The following TCF4 variants were observed in gnomAD, a reference collection of about 807,000 sequenced individuals.
TCF4 encodes the protein transcription factor 4.
TCF4 carries 3 observed loss-of-function variants against 82.1 expected under a neutral mutation model. The ratio of observed to expected loss-of-function variants is 0.04; its 90% CI spans 0.02 to 0.09. The LOEUF (loss-of-function observed/expected upper bound fraction) is 0.09. TCF4 is among the 10% of genes least tolerant of loss of function. TCF4 has a pLI of 1.00. For missense variants in TCF4, 518 were observed against 852.7 expected (o/e 0.61, Z 4.89); for synonymous variants, 276 against 309.6 (o/e 0.89, Z 1.14).
At chr18:55,507,941 C>T (rs552376350) in intron 3 of TCF4, among the ~76,000 whole-genome samples, 5 of 152,136 alleles carry the variant, frequency 3.3e-5, no homozygotes, top group South Asian at 2.1e-4. Flanking sequence ...CCCATGTAAC[C>T]GGGAAATGAC....
At chr18:55,497,065 G>A (rs780742693) in intron 3 of TCF4, among the ~76,000 whole-genome samples, 2 of 152,186 alleles carry the variant, frequency 1.3e-5, no homozygotes, top group African/African-American at 2.4e-5. Flanking sequence ...CAAATCAGCC[G>A]AGCAGGTGTG....
At position 55,468,883 on chromosome 18, in the gene TCF4, C is replaced by CA. The variant is rs199707137; in HGVS notation, c.146-4747_146-4746insT. ...GCTGCTGAATCTATTTAGTTCTCGC[C>CA]CCCCCCCCCCTTGTTCTATTGCCAC... is the stretch of plus-strand genomic sequence containing the variant. On this transcript the variant is annotated intron_variant, in intron 3 of 19. Coordinates refer to ENST00000354452, the MANE Select transcript of TCF4 (RefSeq NM_001083962.2). Among the ~76,000 whole-genome samples, 92 of 24,434 alleles carry CA rather than the reference C, an allele frequency of 3.8e-3. 2 individuals are homozygous for CA. Among genetic ancestry groups the CA allele is most frequent in the Middle Eastern group, 0.037 (3 of 82 alleles). The allele number at this position is 24,434 out of a possible 152,430, so 16.0% of individuals were successfully genotyped here.
chr18:55,429,844 C>T (rs1416941733), intron 5 of TCF4, among the ~76,000 whole-genome samples: 1 of 151,556 alleles, frequency 6.6e-6, no homozygotes, highest in Non-Finnish European at 1.5e-5. Flanking sequence ...TTGCTCCCCA[C>T]CTCCAAATCC....
chr18:55,388,421 T>C (rs187779167), intron 6 of TCF4, among the ~76,000 whole-genome samples: 1 of 152,370 alleles, frequency 6.6e-6, no homozygotes, highest in African/African-American at 2.4e-5. Flanking sequence ...CGCACCACGC[T>C]ATTGCAACTG....
chr18:55,325,512 A>G (rs1487601418), intron 8 of TCF4, among the ~76,000 whole-genome samples: 3 of 152,150 alleles, frequency 2.0e-5, no homozygotes, highest in Admixed American at 1.3e-4. Flanking sequence ...ACACACACAA[A>G]CTGCCCTGCA....
intron 8 of TCF4, among the ~76,000 whole-genome samples, chr18:55,342,106 T>C (rs910835463): frequency 5.9e-5 from 9 of 152,196 alleles, no homozygotes; most frequent in Non-Finnish European, 1.0e-4. Flanking sequence ...CATGCTTTTT[T>C]CCCCTTCTAC....
At chr18:55,234,307 C>T (rs1486800463) in intron 16 of TCF4, 4 of 612,354 alleles carry the variant, frequency 6.5e-6, no homozygotes, top group African/African-American at 1.8e-5. Context: ...AGTCTGTGGC[C>T]TCATTCCCTG....
In TCF4 at chr18:55,301,912, A is replaced by AT. The variant is rs200297090; in HGVS notation, c.550-22257dup. 2.6e-5 allele frequency among the ~76,000 whole-genome samples: 4 copies of AT among 151,576 alleles called. No individual in the cohort carries two copies. The East Asian group carries it at 7.8e-4, about 29-fold the overall frequency. On this transcript the variant is annotated intron_variant, in intron 8 of 19. Coordinates refer to ENST00000354452, the MANE Select transcript of TCF4 (RefSeq NM_001083962.2). ...ATTCATCCTCGTTTAGGTTGTATCTATTTATATCTTTTCTAAGTAAACCGT... is the reference window on the plus strand; with the variant it reads ...ATTCATCCTCGTTTAGGTTGTATCTATTTTATATCTTTTCTAAGTAAACCGT...
At chr18:55,287,722 A>AGT (rs1368063568) in intron 8 of TCF4, among the ~76,000 whole-genome samples, 1 of 152,224 alleles carries the variant, frequency 6.6e-6, no homozygotes, top group East Asian at 1.9e-4. Flanking sequence ...TGCCAATTTA[A>AGT]GTGTGTGCCT....
chr18:55,261,419 A>C (rs1311350424), intron 12 of TCF4, 47 bp downstream of exon 12: 8 of 1,598,356 alleles, frequency 5.0e-6, no homozygotes, highest in Non-Finnish European at 6.9e-6. Flanking sequence ...ATTAAAGTTC[A>C]CCCTTTACAA....
rs1347218962 is a variant in TCF4, at chr18:55,586,153, G to GAGGAGC, written c.73-802_73-801insGCTCCT. 122 of 708,044 alleles carry GAGGAGC rather than the reference G, an allele frequency of 1.7e-4. 2 individuals are homozygous for GAGGAGC. The highest frequency in any genetic ancestry group is 7.4e-4 in the Middle Eastern group (2 of 2,718). The allele number at this position is 708,044 out of a possible 1,614,324, so 43.9% of individuals were successfully genotyped here. A position where few individuals can be genotyped will look rare whatever the true frequency, so the allele number is the denominator to read the frequency against. On this transcript the variant is annotated intron_variant, in intron 2 of 19. Coordinates refer to ENST00000354452, the MANE Select transcript of TCF4 (RefSeq NM_001083962.2). ...GGAGGAGAAGGAGGAGGAGGAGGAG[G>GAGGAGC]AGCAGCAGCAGCAGCAGCAGCAGCA...
rs1453759030 is a variant in TCF4 at position 55,224,244 on chromosome 18, A to G, written c.*3791T>C. ...AAAAGGCCACAGTTCATATATTTTC[A>G]CCATTACATATGTCTATAATACTTG... On this transcript the variant is annotated 3_prime_UTR_variant, in exon 20 of 20. Coordinates refer to ENST00000354452, the MANE Select transcript of TCF4 (RefSeq NM_001083962.2). The G allele has an allele frequency of 6.6e-6, 1 of 152,070 alleles. No homozygotes were observed. The highest frequency in any genetic ancestry group is 1.9e-4 in the East Asian group (1 of 5,186). The allele number at this position is 152,070 out of a possible 1,614,324, so 9.4% of individuals were successfully genotyped here.
intron 3 of TCF4, among the ~76,000 whole-genome samples, chr18:55,514,447 C>A (rs1326183108): frequency 1.4e-5 from 2 of 145,368 alleles, no homozygotes; most frequent in South Asian, 4.5e-4. Flanking sequence ...ACACACACAC[C>A]CCAATCATAC....
At chr18:55,406,033 T>C (rs1274948666) in intron 5 of TCF4, among the ~76,000 whole-genome samples, 2 of 152,074 alleles carry the variant, frequency 1.3e-5, no homozygotes, top group Non-Finnish European at 2.9e-5. Context: ...ATTTGAGTGT[T>C]TCCATGACAT....
At chr18:55,253,767 T>A (rs901341208) in intron 15 of TCF4, among the ~76,000 whole-genome samples, 15 of 152,106 alleles carry the variant, frequency 9.9e-5, no homozygotes, top group African/African-American at 3.1e-4. Flanking sequence ...AGACACTATT[T>A]TGGCTTCTTT....
intron 2 of TCF4, among the ~76,000 whole-genome samples, chr18:55,619,098 T>C (rs1215738866): frequency 6.6e-6 from 1 of 152,168 alleles, no homozygotes; most frequent in East Asian, 1.9e-4. Flanking sequence ...TATCTGGATT[T>C]GTGGTCCTGT....
At position 55,225,779 on chromosome 18, in the gene TCF4, A is replaced by G. The variant is rs1417573428; in HGVS notation, c.*2256T>C. ...AAGTTTGATTTCTGCTATTCTCCTA[A>G]GGTTTTAATCCACCTCCACATTTTA... On this transcript the variant is annotated 3_prime_UTR_variant, in exon 20 of 20. Transcript: ENST00000354452. 3 of 152,576 alleles carry G rather than the reference A, an allele frequency of 2.0e-5. No homozygotes were observed. Among genetic ancestry groups the G allele is most frequent in the Non-Finnish European group, 4.4e-5 (3 of 67,998 alleles). 9.5% of individuals were successfully genotyped at this position (152,576 alleles called of 1,614,324 possible). A position where few individuals can be genotyped will look rare whatever the true frequency, so the allele number is the denominator to read the frequency against.
upstream of TCF4, among the ~76,000 whole-genome samples, chr18:55,593,345 TA>T (rs750759902): frequency 6.6e-6 from 1 of 152,218 alleles, no homozygotes; most frequent in Non-Finnish European, 1.5e-5. Flanking sequence ...AGGTGCTTTG[TA>T]AATGACAAAT....
intron 5 of TCF4, chr18:55,422,457 C>A: frequency 1.0e-6 from 1 of 983,416 alleles, no homozygotes; most frequent in Non-Finnish European, 1.2e-6. Flanking sequence ...GCCAGAAATT[C>A]TCATACTTGG....
Sources: gnomAD v4.1 joint callset for allele counts (sites outside exome capture counted in the v4.1 genomes callset) on GRCh38, gnomAD v4.1.1 for gene constraint, MANE v1.5 for transcripts, NCBI Gene and HGNC (gene_info 2026-07-23, HGNC 2026-07-21) for gene names.